NAGK: variants seen among roughly 807,000 people sequenced by gnomAD.
NAGK encodes N-acetylglucosamine kinase.
In NAGK, 35 loss-of-function variants were observed where a neutral mutation model predicts 42.9. The ratio of observed to expected loss-of-function variants is 0.82; its 90% CI spans 0.62 to 1.08. NAGK has a LOEUF of 1.08. Ranked by LOEUF, NAGK falls within the 50% of genes least tolerant of loss-of-function variation. NAGK has a pLI of 0.00. For synonymous variants in NAGK, 172 were observed against 176.0 expected (o/e 0.98, Z 0.18); for missense variants, 446 against 446.0 (o/e 1.00, Z 0.00).
chr2:71,073,396 T>A (rs537616388), intron 5 of NAGK, 86 bp from the exon 6 acceptor site: 23 of 744,880 alleles, frequency 3.1e-5, no homozygotes, highest in South Asian at 3.1e-4. Context: ...TTCAAGCAGA[T>A]CACTAACCTG....
chr2:71,069,254 AG>A (rs1671907006), intron 1 of NAGK: 1 of 302,498 alleles, frequency 3.3e-6, no homozygotes, highest in African/African-American at 2.3e-5. Flanking sequence ...TCTGCTCAGA[AG>A]CTTGTTTACT....
At position 71,079,335 on chromosome 2, in the gene NAGK, G is replaced by A. The variant is rs1362546770; in HGVS notation, c.*827G>A. ...CAGTGAAGGCAAACCTGAAGCTTCG[G>A]TTCCACAGCCTGTGCTGCTTGGTGA... On this transcript the variant is annotated 3_prime_UTR_variant, in exon 10 of 10. Transcript: ENST00000244204. 6.6e-6 allele frequency: 1 copy of A among 152,210 alleles called. No individual in the cohort carries two copies. The highest frequency in any genetic ancestry group is 1.5e-5 in the Non-Finnish European group (1 of 68,054). The allele number at this position is 152,210 out of a possible 1,614,324, so 9.4% of individuals were successfully genotyped here. A position where few individuals can be genotyped will look rare whatever the true frequency, so the allele number is the denominator to read the frequency against.
intron 1 of NAGK, chr2:71,069,003 GA>G: frequency 8.4e-7 from 1 of 1,188,786 alleles, no homozygotes; most frequent in South Asian, 2.9e-5. Context: ...TTCAGCTGGA[GA>G]AGCAGCTCCT....
chr2:71,071,755 T>C lies in NAGK; in HGVS notation c.283T>C (p.Phe95Leu). ...CCTGATCGAGGAGCTGAGGGACCGA[T>C]TTCCCTACCTGAGTGAAAGCTACTT... The part of the protein sequence containing the change: ...RILIEELRDR[F>L]PYLSESYLIT... The change falls in exon 4 of 10, where the codon TTT (phenylalanine) becomes CTT (leucine). Residue 95 changes from phenylalanine (F) to leucine (L), a missense_variant. Coordinates refer to ENST00000244204, the MANE Select transcript of NAGK (RefSeq NM_017567.6). The C allele has an allele frequency of 3.7e-6, 6 of 1,614,136 alleles. No individual in the cohort carries two copies. The highest frequency in any genetic ancestry group is 5.1e-6 in the Non-Finnish European group (6 of 1,180,020).
At chr2:71,074,037 G>A (rs10179316) in intron 6 of NAGK, among the ~76,000 whole-genome samples, 7,843 of 152,206 alleles carry the variant, frequency 0.052, 594 homozygotes, top group African/African-American at 0.16. Flanking sequence ...GGAGAGTTCT[G>A]GGGGATATGC....
At position 71,068,728 on chromosome 2, in the gene NAGK, C is replaced by T; in HGVS notation, c.29+16C>T. 6.9e-7 allele frequency: 1 copy of T among 1,449,340 alleles called. No individual in the cohort carries two copies. The highest frequency in any genetic ancestry group is 1.4e-5 in the South Asian group (1 of 71,346). The allele number at this position is 1,449,340 out of a possible 1,614,324, so 89.8% of individuals were successfully genotyped here. On this transcript the variant is annotated intron_variant, in intron 1 of 9. Coordinates refer to ENST00000244204, the MANE Select transcript of NAGK (RefSeq NM_017567.6). ...GTGTAGAGGGGTGAGTGCGGCCCGG[C>T]GGAGGGAGCCTGGGCCCGAAGGCGG...
At position 71,077,644 on chromosome 2, in the gene NAGK, T is replaced by TG; in HGVS notation, c.844+14dup. The TG allele has an allele frequency of 1.9e-6, 3 of 1,600,024 alleles. No homozygotes were observed. The highest frequency in any genetic ancestry group is 2.6e-6 in the Non-Finnish European group (3 of 1,173,256). ...GGGAGCTGCTGAAGGAAGGTGAGCC[T>TG]GGGGGGAGGCTGGAAGGGCAAGGGC... On this transcript the variant is annotated intron_variant, in intron 9 of 9. Transcript: ENST00000244204.
intron 8 of NAGK, among the ~76,000 whole-genome samples, chr2:71,077,141 A>G (rs1310336282): frequency 6.6e-6 from 1 of 151,952 alleles, no homozygotes; most frequent in Admixed American, 6.6e-5. Context: ...ATGGCCGGCT[A>G]ATTTTTGTAT....
Position 71,071,737 on chromosome 2 carries a change from G to T in NAGK, c.265G>T (p.Glu89Ter). 1 of 1,614,126 alleles carries T rather than the reference G, an allele frequency of 6.2e-7. No homozygotes were observed. The highest frequency in any genetic ancestry group is 8.5e-7 in the Non-Finnish European group (1 of 1,180,028). Residue 89 changes from glutamate to a stop codon, truncating the protein, a stop_gained, in exon 4 of 10, where the codon GAG (glutamate) becomes TAG (stop). Transcript: ENST00000244204. LOFTEE classifies it high-confidence loss of function. ...DQEDAGRILI[E>*]ELRDRFPYLS... ...GGAGGACGCGGGGAGGATCCTGATC[G>T]AGGAGCTGAGGGACCGATTTCCCTA... is the stretch of plus-strand genomic sequence containing the variant.
chr2:71,070,365 C>T (rs1415502547), intron 1 of NAGK, 137 bp from the exon 2 acceptor site: 3 of 626,956 alleles, frequency 4.8e-6, no homozygotes, highest in Non-Finnish European at 8.4e-6. Context: ...ACCACAGAGG[C>T]GGGTTTGGGA....
At chr2:71,072,500 C>A in intron 4 of NAGK, 141 bp from the exon 5 acceptor site, 1 of 643,650 alleles carries the variant, frequency 1.6e-6, no homozygotes. Flanking sequence ...AGGAAACTAG[C>A]TGGGCTCAGT....
intron 9 of NAGK, 48 bp from the exon 10 acceptor site, chr2:71,078,270 C>G (rs961728629): frequency 2.5e-6 from 4 of 1,572,290 alleles, no homozygotes; most frequent in Non-Finnish European, 2.6e-6. Flanking sequence ...GGCCCCAGTA[C>G]AGGTTGCTGT....
At chr2:71,073,636 G>C (rs370069102) in intron 6 of NAGK, 42 bp downstream of exon 6, 53 of 1,495,488 alleles carry the variant, frequency 3.5e-5, no homozygotes, top group Non-Finnish European at 4.6e-5. Flanking sequence ...CCTGGGGTAG[G>C]GCAGTGAAAC....
Position 71,078,452 on chromosome 2 carries a change from C to T in NAGK, c.979C>T (p.Leu327Phe). 6.2e-7 allele frequency: 1 copy of T among 1,612,074 alleles called. No homozygotes were observed. Residue 327 changes from leucine (L) to phenylalanine (F), a missense_variant, in exon 10 of 10, where the codon CTC becomes TTC. Transcript: ENST00000244204. ...SLGARHIGHL[L>F]PMDYSANAIA... ...AGGGGCCAGGCACATCGGGCACCTC[C>T]TCCCCATGGACTATAGCGCCAATGC...
chr2:71,071,003 C>A (rs1671983912), intron 3 of NAGK, 164 bp downstream of exon 3: 1 of 683,342 alleles, frequency 1.5e-6, no homozygotes. Flanking sequence ...CTTCAGTTGC[C>A]ACCTACAAAC....
chr2:71,077,755 G>C, intron 9 of NAGK, 119 bp downstream of exon 9: 1 of 1,046,486 alleles, frequency 9.6e-7, no homozygotes, highest in East Asian at 2.6e-5. Context: ...GCCTAGACAG[G>C]CCACTGATGC....
rs1465285145 is a variant in NAGK, at chr2:71,078,985, A to T, written c.*477A>T. ...CAGGGAGTAACCTTAGGTATATCAC[A>T]CCCTCTCCTGAGACTCCCAGCAAGA... On this transcript the variant is annotated 3_prime_UTR_variant, in exon 10 of 10. Transcript: ENST00000244204. 1 of 153,670 alleles carries T rather than the reference A, an allele frequency of 6.5e-6. No individual in the cohort carries two copies. Among genetic ancestry groups the T allele is most frequent in the Non-Finnish European group, 1.4e-5 (1 of 69,092 alleles). 9.5% of individuals were successfully genotyped at this position (153,670 alleles called of 1,614,324 possible).
chr2:71,076,700 C>A lies in NAGK; in HGVS notation c.764C>A (p.Pro255Gln). 6.2e-7 allele frequency: 1 copy of A among 1,612,834 alleles called. No individual in the cohort carries two copies. Among genetic ancestry groups the A allele is most frequent in the South Asian group, 1.1e-5 (1 of 91,014 alleles). Reference protein sequence around the residue: ...HIVAVLPEIDPVLFQGKIGLP... With the variant: ...HIVAVLPEIDQVLFQGKIGLP... Reference sequence around the variant, plus strand: ...GTAGCAGTGTTGCCCGAGATTGACCCGGTGAGTTGAGGTGGGAGTGAAGGT... The same window carrying A: ...GTAGCAGTGTTGCCCGAGATTGACCAGGTGAGTTGAGGTGGGAGTGAAGGT... The change falls in exon 8 of 10, where the codon CCG (proline) becomes CAG (glutamine). Residue 255 changes from proline to glutamine, a missense_variant and splice_region_variant. Physicochemically the swap from Pro to Gln is moderately conservative, Grantham distance 76. Coordinates refer to ENST00000244204, the MANE Select transcript of NAGK (RefSeq NM_017567.6).
intron 1 of NAGK, chr2:71,070,012 T>A (rs1426037093): frequency 6.1e-6 from 1 of 163,996 alleles, no homozygotes; most frequent in Non-Finnish European, 1.4e-5. Flanking sequence ...GTGCCATTTT[T>A]CTTAGGAGTG....
Sources: gnomAD v4.1 joint callset for allele counts (sites outside exome capture counted in the v4.1 genomes callset) on GRCh38, gnomAD v4.1.1 for gene constraint, MANE v1.5 for transcripts, NCBI Gene and HGNC (gene_info 2026-07-23, HGNC 2026-07-21) for gene names.